The following WDPCP variants were observed in gnomAD, a reference collection of about 807,000 sequenced individuals.
The protein encoded by WDPCP is WD repeat-containing and planar cell polarity effector protein fritz homolog.
WDPCP carries 71 observed loss-of-function variants against 93.1 expected under a neutral mutation model. That is an observed-to-expected ratio of 0.76 (90% CI 0.63 to 0.93). The LOEUF (loss-of-function observed/expected upper bound fraction) is 0.93. Ranked by LOEUF, WDPCP falls within the 40% of genes least tolerant of loss-of-function variation. WDPCP has a pLI of 0.00. For missense variants in WDPCP, 844 were observed against 887.4 expected (o/e 0.95, Z 0.62); for synonymous variants, 315 against 315.0 (o/e 1.00, Z 0.00).
At chr2:63,150,247 G>C (rs942300776) in intron 17 of WDPCP, among the ~76,000 whole-genome samples, 2 of 152,170 alleles carry the variant, frequency 1.3e-5, no homozygotes, top group Non-Finnish European at 2.9e-5. Flanking sequence ...GGCTTTCAGA[G>C]AGGTGATGTC....
chr2:63,234,171 C>T (rs1390906481), intron 14 of WDPCP, among the ~76,000 whole-genome samples: 1 of 152,174 alleles, frequency 6.6e-6, no homozygotes, highest in East Asian at 1.9e-4. Flanking sequence ...TAGATTCTGG[C>T]TCTAGTTCTT....
In WDPCP at chr2:63,680,882, T is replaced by G. The variant is rs985116171; in HGVS notation, n.309-30044A>C. On this transcript the variant is annotated intron_variant and non_coding_transcript_variant, in intron 2 of 4. Transcript: ENST00000467687. Reference sequence around the variant, plus strand: ...CCACAGTATAGCACACTGGGCAGAGTTGAGAGGCACCCATTCCAGGCCCTA... The same window carrying G: ...CCACAGTATAGCACACTGGGCAGAGGTGAGAGGCACCCATTCCAGGCCCTA... Among the ~76,000 whole-genome samples, 3 of 151,712 alleles carry G rather than the reference T, an allele frequency of 2.0e-5. No homozygotes were observed. In the East Asian group the frequency reaches 5.8e-4, roughly 30 times the overall value.
chr2:63,536,773 C>T lies in WDPCP; in HGVS notation c.76-43833G>A, dbSNP rs866295815. On this transcript the variant is annotated intron_variant, in intron 1 of 17. Coordinates refer to ENST00000272321, the MANE Select transcript of WDPCP (RefSeq NM_015910.7). ...TGGTAAAAATCTCAGATTCTTCATG[C>T]TTTTTTTTTTTTTTTTGATGGAATC... Among the ~76,000 whole-genome samples, 70 of 93,602 alleles carry T rather than the reference C, an allele frequency of 7.5e-4. 2 individuals are homozygous for T. Among genetic ancestry groups the T allele is most frequent in the East Asian group, 6.3e-3 (15 of 2,368 alleles). The allele number at this position is 93,602 out of a possible 152,430, so 61.4% of individuals were successfully genotyped here.
At chr2:63,309,761 G>A (rs756753979) in intron 13 of WDPCP, among the ~76,000 whole-genome samples, 12 of 151,946 alleles carry the variant, frequency 7.9e-5, no homozygotes, top group Admixed American at 2.0e-4. Flanking sequence ...CCATCACAAT[G>A]GGATGAAGTT....
intron 14 of WDPCP, among the ~76,000 whole-genome samples, chr2:63,176,449 C>G (rs1673811584): frequency 6.6e-6 from 1 of 152,132 alleles, no homozygotes; most frequent in African/African-American, 2.4e-5. Context: ...GGGGCTTTCA[C>G]TAGGTTGCCC....
At chr2:63,491,007 T>C (rs900882022) in intron 2 of WDPCP, among the ~76,000 whole-genome samples, 9 of 152,238 alleles carry the variant, frequency 5.9e-5, no homozygotes, top group Non-Finnish European at 1.0e-4. Context: ...ATTAAAAATT[T>C]TGACCAGCAG....
intron 2 of WDPCP, among the ~76,000 whole-genome samples, chr2:63,663,312 G>A (rs898453834): frequency 1.4e-4 from 22 of 152,282 alleles, no homozygotes; most frequent in Non-Finnish European, 2.8e-4. Flanking sequence ...GAACAAAGAG[G>A]CCAACTTCTT....
At chr2:63,416,526 A>G (rs1575375737) in intron 9 of WDPCP, among the ~76,000 whole-genome samples, 1 of 56,266 alleles carries the variant, frequency 1.8e-5, no homozygotes, top group Non-Finnish European at 4.4e-5. Flanking sequence ...CACCAAAAAT[A>G]CTTTTTTTTT....
chr2:63,428,173 T>C (rs1258308851), intron 9 of WDPCP, among the ~76,000 whole-genome samples: 11 of 142,312 alleles, frequency 7.7e-5, no homozygotes, highest in Admixed American at 7.3e-4. Flanking sequence ...ACCAATCCTA[T>C]TGAAACTATT....
intron 2 of WDPCP, chr2:63,752,615 T>C: frequency 1.9e-6 from 1 of 530,636 alleles, no homozygotes; most frequent in Non-Finnish European, 3.4e-6. Flanking sequence ...TTTAGGATAC[T>C]GATTTAGACA....
intron 3 of WDPCP, chr2:63,643,555 CA>C: frequency 2.3e-6 from 1 of 428,280 alleles, no homozygotes. Context: ...TGCCAGTCTC[CA>C]AACCAATCTG....
intron 10 of WDPCP, among the ~76,000 whole-genome samples, chr2:63,384,445 T>C (rs940105832): frequency 6.6e-6 from 1 of 152,144 alleles, no homozygotes; most frequent in Non-Finnish European, 1.5e-5. Flanking sequence ...TAAACTTGAA[T>C]GGCTCTATAT....
intron 13 of WDPCP, among the ~76,000 whole-genome samples, chr2:63,265,508 A>C (rs536188904): frequency 6.5e-4 from 99 of 152,288 alleles, no homozygotes; most frequent in Non-Finnish European, 1.1e-3. Flanking sequence ...CAGACCAATA[A>C]TGAGAAAGGA....
intron 14 of WDPCP, among the ~76,000 whole-genome samples, chr2:63,256,727 C>T (rs1298684875): frequency 6.6e-6 from 1 of 152,118 alleles, no homozygotes; most frequent in African/African-American, 2.4e-5. Context: ...TACATTCATG[C>T]ATTGGAATAT....
chr2:63,146,626 C>T (rs528003284), intron 17 of WDPCP, among the ~76,000 whole-genome samples: 1 of 152,248 alleles, frequency 6.6e-6, no homozygotes, highest in Non-Finnish European at 1.5e-5. Context: ...CTACCCGCCT[C>T]GGCCTCCCAA....
chr2:63,221,163 C>T (rs1423312765), intron 14 of WDPCP, among the ~76,000 whole-genome samples: 1 of 152,064 alleles, frequency 6.6e-6, no homozygotes, highest in Admixed American at 6.6e-5. Context: ...GCCTATTTTT[C>T]AACAATGAGA....
chr2:63,609,614 G>A (rs771123183), intron 3 of WDPCP, among the ~76,000 whole-genome samples: 29 of 152,198 alleles, frequency 1.9e-4, no homozygotes, highest in Admixed American at 6.5e-5. Flanking sequence ...TCTTGGCTGG[G>A]TGCAGTGACT....
At chr2:63,647,154 T>C (rs1710061271) in intron 3 of WDPCP, among the ~76,000 whole-genome samples, 1 of 152,296 alleles carries the variant, frequency 6.6e-6, no homozygotes, top group East Asian at 1.9e-4. Flanking sequence ...TGTTGTGTTT[T>C]TGAGATGGAG....
At chr2:63,255,576 C>A (rs1681066263) in intron 14 of WDPCP, among the ~76,000 whole-genome samples, 1 of 152,122 alleles carries the variant, frequency 6.6e-6, no homozygotes, top group African/African-American at 2.4e-5. Context: ...TCCCCTCTTA[C>A]CATGTGATAT....
Sources: allele counts gnomAD v4.1 joint callset (sites outside exome capture counted in the v4.1 genomes callset), GRCh38; gene constraint gnomAD v4.1.1; transcripts MANE v1.5; gene names NCBI Gene and HGNC (gene_info 2026-07-23, HGNC 2026-07-21).